The following CTNNA2 variants were observed in gnomAD, a reference collection of about 807,000 sequenced individuals.
CTNNA2 encodes the protein catenin alpha-2.
A neutral mutation model predicts 101.0 loss-of-function variants in CTNNA2; 42 were observed. The ratio of observed to expected loss-of-function variants is 0.42; its 90% CI spans 0.32 to 0.54. The LOEUF (loss-of-function observed/expected upper bound fraction) is 0.54. Ranked by LOEUF, CTNNA2 falls within the 20% of genes least tolerant of loss-of-function variation. CTNNA2 has a pLI of 0.14. For missense variants in CTNNA2, 871 were observed against 1,223.1 expected (o/e 0.71, Z 4.29); for synonymous variants, 450 against 456.4 (o/e 0.99, Z 0.18).
intron 11 of CTNNA2, among the ~76,000 whole-genome samples, chr2:80,553,888 C>A (rs993666323): frequency 6.6e-6 from 1 of 152,072 alleles, no homozygotes; most frequent in African/African-American, 2.4e-5. Context: ...CATGTTTAAT[C>A]ATGTTTTCAT....
intron 15 of CTNNA2, 137 bp from the exon 16 acceptor site, chr2:80,603,937 G>A (rs1697775174): frequency 4.9e-6 from 3 of 608,608 alleles, no homozygotes; most frequent in Non-Finnish European, 8.3e-6. Context: ...AGTTAAGCAG[G>A]AAAATATTCA....
Position 80,032,747 on chromosome 2 carries a change from T to C in CTNNA2, c.1056+122950T>C, listed in dbSNP as rs567759885. Among the ~76,000 whole-genome samples the C allele has an allele frequency of 3.9e-5, 6 of 152,228 alleles. No homozygotes were observed. In the South Asian group the frequency reaches 1.2e-3, roughly 32 times the overall value. ...AATTTAAAATAGCAGTCCACAGAAATTGAAATACTTAAAACTTTTTGTTTT... is the reference window on the plus strand; with the variant it reads ...AATTTAAAATAGCAGTCCACAGAAACTGAAATACTTAAAACTTTTTGTTTT... On this transcript the variant is annotated intron_variant, in intron 7 of 18. Transcript: ENST00000402739.
At chr2:79,568,865 A>T (rs1573367711) in intron 1 of CTNNA2, among the ~76,000 whole-genome samples, 1 of 29,506 alleles carries the variant, frequency 3.4e-5, no homozygotes, top group Non-Finnish European at 1.4e-4. Flanking sequence ...CTACAAAAAA[A>T]AAAAAAAAAA....
intron 9 of CTNNA2, among the ~76,000 whole-genome samples, chr2:80,508,019 C>G (rs1455868086): frequency 6.6e-6 from 1 of 152,142 alleles, no homozygotes; most frequent in African/African-American, 2.4e-5. Flanking sequence ...AGCAATGAAG[C>G]CTTTGCCACT....
chr2:79,382,756 C>T (rs576783982), intron 4 of CTNNA2, among the ~76,000 whole-genome samples: 2 of 152,186 alleles, frequency 1.3e-5, no homozygotes, highest in South Asian at 2.1e-4. Context: ...TGGGACTACA[C>T]GTGCCCAACA....
chr2:79,915,741 T>C (rs796848650), intron 7 of CTNNA2, among the ~76,000 whole-genome samples: 52 of 152,356 alleles, frequency 3.4e-4, no homozygotes, highest in African/African-American at 1.1e-3. Context: ...GGGATTCTAT[T>C]TGAAATAATC....
intron 3 of CTNNA2, among the ~76,000 whole-genome samples, chr2:79,371,145 G>C (rs1006171268): frequency 4.8e-5 from 1 of 20,696 alleles, no homozygotes; most frequent in Non-Finnish European, 1.0e-4. Context: ...CTGGGGAAGA[G>C]GGGAGGGGTC....
In CTNNA2 at chr2:80,505,253, G is replaced by C. The variant is rs10193375; in HGVS notation, c.1291-39729G>C. On this transcript the variant is annotated intron_variant, in intron 9 of 18. Transcript: ENST00000402739. ...GTAGAATTTGGATTGTCAAAGTCAG[G>C]AAGAAAGTGTTCTTGATAATTTACG... Among the ~76,000 whole-genome samples the C allele has an allele frequency of 7.0e-4, 107 of 152,336 alleles. 1 individual carries two copies. The highest frequency in any genetic ancestry group is 2.5e-3 in the African/African-American group (105 of 41,584).
chr2:79,826,769 A>C (rs1271132197), intron 3 of CTNNA2, among the ~76,000 whole-genome samples: 1 of 152,206 alleles, frequency 6.6e-6, no homozygotes, highest in Non-Finnish European at 1.5e-5. Context: ...TCACAAGTGT[A>C]ATCACCTCCA....
intron 7 of CTNNA2, among the ~76,000 whole-genome samples, chr2:80,102,042 C>T: frequency 6.6e-6 from 1 of 152,158 alleles, no homozygotes; most frequent in Admixed American, 6.5e-5. Context: ...TCTGGCTCCC[C>T]TATCAGCAAA....
intron 7 of CTNNA2, among the ~76,000 whole-genome samples, chr2:80,239,935 A>G (rs1709759829): frequency 6.6e-6 from 1 of 152,038 alleles, no homozygotes; most frequent in Non-Finnish European, 1.5e-5. Flanking sequence ...AAAAAACAAA[A>G]CAAAACAAAA....
chr2:80,243,720 A>G (rs1316107473), intron 7 of CTNNA2, among the ~76,000 whole-genome samples: 1 of 152,220 alleles, frequency 6.6e-6, no homozygotes, highest in East Asian at 1.9e-4. Context: ...TAAAGTTGCT[A>G]GGGGCATTTG....
At chr2:79,622,760 C>G (rs1362254809) in intron 1 of CTNNA2, among the ~76,000 whole-genome samples, 2 of 152,122 alleles carry the variant, frequency 1.3e-5, no homozygotes, top group African/African-American at 4.8e-5. Context: ...TCTTTCCCAG[C>G]CTTCTGGATG....
chr2:80,302,491 G>A lies in CTNNA2; in HGVS notation c.1057-90720G>A, dbSNP rs140965354. On this transcript the variant is annotated intron_variant, in intron 7 of 18. Coordinates refer to ENST00000402739, the MANE Select transcript of CTNNA2 (RefSeq NM_001282597.3). The surrounding 1 kb of genome is among the most constrained non-coding windows in gnomAD (Gnocchi z 6.4). ...ACTTCCAGGACACGTAGAGCACCAG[G>A]ACCACGATGAGGAAGGAGAAGATGA... is the stretch of plus-strand genomic sequence containing the variant. 215 of 1,613,822 alleles carry A rather than the reference G, an allele frequency of 1.3e-4. 2 individuals are homozygous for A. The East Asian group carries it at 4.2e-3, about 32-fold the overall frequency.
chr2:80,426,643 C>T (rs1197475651), intron 9 of CTNNA2, among the ~76,000 whole-genome samples: 1 of 152,094 alleles, frequency 6.6e-6, no homozygotes, highest in Non-Finnish European at 1.5e-5. Flanking sequence ...ACTTCCTCTT[C>T]TTATCAGGTT....
At chr2:79,703,925 A>G (rs914493253) in intron 2 of CTNNA2, among the ~76,000 whole-genome samples, 3 of 144,784 alleles carry the variant, frequency 2.1e-5, no homozygotes, top group African/African-American at 7.6e-5. Context: ...ATTTGAATAA[A>G]CTGCAAATAT....
intron 2 of CTNNA2, among the ~76,000 whole-genome samples, chr2:79,742,014 G>T (rs138724968): frequency 6.6e-6 from 1 of 152,154 alleles, no homozygotes; most frequent in East Asian, 1.9e-4. Context: ...GAGTACATGA[G>T]AGCTTTTACT....
chr2:80,313,744 G>A (rs1030299004), intron 7 of CTNNA2: 8 of 944,702 alleles, frequency 8.5e-6, no homozygotes, highest in African/African-American at 3.3e-5. Flanking sequence ...CAAAATGTGA[G>A]TACAAGGAAT....
At chr2:80,325,900 G>T (rs149380506) in intron 7 of CTNNA2, among the ~76,000 whole-genome samples, 268 of 152,270 alleles carry the variant, frequency 1.8e-3, no homozygotes, top group African/African-American at 6.2e-3. Context: ...TAAAGTGATT[G>T]GTTTATGGTT....
Sources: allele counts gnomAD v4.1 joint callset (sites outside exome capture counted in the v4.1 genomes callset), GRCh38; gene constraint gnomAD v4.1.1; non-coding constraint Gnocchi (gnomAD v3.1); transcripts MANE v1.5; gene names NCBI Gene and HGNC (gene_info 2026-07-23, HGNC 2026-07-21).